CDH13: variants seen among roughly 807,000 people sequenced by gnomAD.
CDH13 encodes the protein cadherin 13.
CDH13 carries 24 observed loss-of-function variants against 63.8 expected under a neutral mutation model. The ratio of observed to expected loss-of-function variants is 0.38; its 90% CI spans 0.27 to 0.53. CDH13 has a LOEUF of 0.53. Ranked by LOEUF, CDH13 falls within the 20% of genes least tolerant of loss-of-function variation. CDH13 has a pLI of 0.85. For synonymous variants in CDH13, 503 were observed against 355.3 expected (o/e 1.42, Z -4.67); for missense variants, 1,049 against 903.1 (o/e 1.16, Z -2.07).
At chr16:82,789,734 C>T (rs2036195422) in intron 1 of CDH13, among the ~76,000 whole-genome samples, 1 of 152,150 alleles carries the variant, frequency 6.6e-6, no homozygotes, top group African/African-American at 2.4e-5. Flanking sequence ...AGTGTGAAGT[C>T]CACAGGTCTG....
chr16:83,204,663 T>C (rs74031471), intron 4 of CDH13, among the ~76,000 whole-genome samples: 12,496 of 152,216 alleles, frequency 0.082, 1,346 homozygotes, highest in African/African-American at 0.25. Context: ...CTCTGCTAAA[T>C]ACTGTGTGTG....
chr16:83,565,950 C>T (rs529832714), intron 7 of CDH13, among the ~76,000 whole-genome samples: 2 of 152,278 alleles, frequency 1.3e-5, no homozygotes, highest in East Asian at 3.9e-4. Context: ...TCTTTCAGCA[C>T]CCACCTCTCA....
chr16:83,513,704 G>A (rs4238690), intron 7 of CDH13, among the ~76,000 whole-genome samples: 152,165 of 152,272 alleles, frequency 1, 76,029 homozygotes, highest in Non-Finnish European at 1. Flanking sequence ...AACTGCCACC[G>A]TGATCCAATT....
intron 1 of CDH13, among the ~76,000 whole-genome samples, chr16:82,656,706 G>A (rs1013479234): frequency 2.6e-5 from 4 of 152,146 alleles, no homozygotes; most frequent in African/African-American, 9.7e-5. Flanking sequence ...TAGTTGTACA[G>A]CCCTAAAATA....
At chr16:83,605,727 A>G (rs1278319746) in intron 8 of CDH13, among the ~76,000 whole-genome samples, 3 of 152,248 alleles carry the variant, frequency 2.0e-5, no homozygotes, top group Non-Finnish European at 4.4e-5. Flanking sequence ...TATTATTATG[A>G]CAGTGATGTT....
At chr16:82,629,417 T>C (rs928757198) in intron 1 of CDH13, among the ~76,000 whole-genome samples, 2 of 152,224 alleles carry the variant, frequency 1.3e-5, no homozygotes, top group African/African-American at 2.4e-5. Context: ...ATCATTTTGA[T>C]GCAATCCAGT....
chr16:82,882,698 T>G (rs773545489), intron 2 of CDH13, among the ~76,000 whole-genome samples: 1 of 152,034 alleles, frequency 6.6e-6, no homozygotes, highest in Non-Finnish European at 1.5e-5. Context: ...TCCTTCCTTT[T>G]AGAAAAAACA....
intron 6 of CDH13, among the ~76,000 whole-genome samples, chr16:83,420,139 G>A (rs1389632754): frequency 1.3e-5 from 2 of 152,106 alleles, no homozygotes; most frequent in Non-Finnish European, 2.9e-5. Flanking sequence ...AGGACATAGA[G>A]CTAGGTTCCA....
chr16:83,684,652 C>G (rs905753160), intron 10 of CDH13, among the ~76,000 whole-genome samples: 6 of 152,214 alleles, frequency 3.9e-5, no homozygotes, highest in Non-Finnish European at 7.3e-5. Context: ...AACAATTCCA[C>G]AGCAGAGACT....
chr16:83,731,049 T>C (rs1910990009), intron 10 of CDH13, among the ~76,000 whole-genome samples: 2 of 152,252 alleles, frequency 1.3e-5, no homozygotes, highest in African/African-American at 4.8e-5. Context: ...TGCATTTTCT[T>C]TATCCATTCC....
intron 5 of CDH13, among the ~76,000 whole-genome samples, chr16:83,331,338 C>G (rs2090476096): frequency 6.6e-6 from 1 of 152,202 alleles, no homozygotes; most frequent in African/African-American, 2.4e-5. Flanking sequence ...AATCCCAAAA[C>G]TGTAGAACTG....
At chr16:83,631,730 T>C (rs749498816) in intron 8 of CDH13, among the ~76,000 whole-genome samples, 20 of 152,280 alleles carry the variant, frequency 1.3e-4, no homozygotes, top group Non-Finnish European at 2.2e-4. Flanking sequence ...TGGTGACTCC[T>C]AGCAGCTCCC....
At chr16:83,196,082 C>T (rs942537585) in intron 4 of CDH13, among the ~76,000 whole-genome samples, 7 of 152,144 alleles carry the variant, frequency 4.6e-5, no homozygotes, top group East Asian at 1.9e-4. Context: ...ATGGTGAAAC[C>T]GCGTCTCTAC....
chr16:83,555,482 G>T (rs1254732185), intron 7 of CDH13, among the ~76,000 whole-genome samples: 2 of 152,312 alleles, frequency 1.3e-5, no homozygotes, highest in Admixed American at 6.5e-5. Flanking sequence ...TTCAGACTTT[G>T]CTGGTGCTTG....
In CDH13 at chr16:83,630,486, C is replaced by T. The variant is rs1167103364; in HGVS notation, c.1101+27892C>T. ...TGGTTCAGTCTGGAGAGTGGGCGATCAGGGAGCTTACAGGTCATAAGTAGG... is the reference window on the plus strand; with the variant it reads ...TGGTTCAGTCTGGAGAGTGGGCGATTAGGGAGCTTACAGGTCATAAGTAGG... On this transcript the variant is annotated intron_variant, in intron 8 of 13. Transcript: ENST00000567109. Among the ~76,000 whole-genome samples, 3 of 152,122 alleles carry T rather than the reference C, an allele frequency of 2.0e-5. No homozygotes were observed. The East Asian group carries it at 5.8e-4, about 29-fold the overall frequency.
chr16:83,487,837 CTTT>C (rs1179300060), intron 7 of CDH13, among the ~76,000 whole-genome samples: 19 of 152,194 alleles, frequency 1.2e-4, no homozygotes, highest in African/African-American at 4.3e-4. Context: ...GTTTCCTCTG[CTTT>C]CTCCTCTCTT....
rs8059783 is a variant in CDH13 at position 82,979,237 on chromosome 16, G to A, written c.158-52773G>A. ...TGGATTTTACAGGCTTGTAGGCCTC[G>A]TCTCAGATGAGACTATGGACTTGGA... On this transcript the variant is annotated intron_variant, in intron 2 of 13. Transcript: ENST00000567109. Among the ~76,000 whole-genome samples the A allele has an allele frequency of 2.1e-4, 32 of 151,902 alleles. 1 individual carries two copies. Among genetic ancestry groups the A allele is most frequent in the Admixed American group, 1.7e-3 (26 of 15,254 alleles).
chr16:83,250,803 T>G (rs1057287384), intron 5 of CDH13, among the ~76,000 whole-genome samples: 3 of 152,196 alleles, frequency 2.0e-5, no homozygotes, highest in African/African-American at 4.8e-5. Context: ...ATACAGACTT[T>G]CCCATCTGTG....
chr16:82,761,554 G>T (rs2034859037), intron 1 of CDH13, among the ~76,000 whole-genome samples: 1 of 152,152 alleles, frequency 6.6e-6, no homozygotes, highest in Non-Finnish European at 1.5e-5. Context: ...TCATCACATG[G>T]CATTGCATCA....
Sources: gnomAD v4.1 joint callset for allele counts (sites outside exome capture counted in the v4.1 genomes callset) on GRCh38, gnomAD v4.1.1 for gene constraint, MANE v1.5 for transcripts, NCBI Gene and HGNC (gene_info 2026-07-23, HGNC 2026-07-21) for gene names.